Variants in ARHGEF33 observed in about 807,000 individuals in gnomAD.
ARHGEF33 encodes the protein DH and coiled-coil domain-containing protein ENSP00000381780.
A neutral mutation model predicts 101.9 loss-of-function variants in ARHGEF33; 72 were observed. The observed-to-expected ratio is 0.71, with a 90% CI of 0.58 to 0.86. The LOEUF is 0.86. Among genes scored for constraint, ARHGEF33 ranks in the 40% least tolerant of loss-of-function variants. The probability of loss-of-function intolerance (pLI) is 0.00; values close to 1 mark genes in which losing one functional copy is unlikely to be tolerated. For synonymous variants in ARHGEF33, 499 were observed against 442.5 expected (o/e 1.13, Z -1.60); for missense variants, 1,169 against 1,111.3 (o/e 1.05, Z -0.74).
intron 9 of ARHGEF33, among the ~76,000 whole-genome samples, chr2:38,941,540 A>G (rs537373031): frequency 6.7e-6 from 1 of 149,388 alleles, no homozygotes; most frequent in South Asian, 2.1e-4. Context: ...ATGTTACCTG[A>G]TTTTTCTTTT....
intron 17 of ARHGEF33, chr2:38,973,362 A>C (rs1362012211): frequency 6.5e-6 from 1 of 154,076 alleles, no homozygotes. Flanking sequence ...CATCCATTTT[A>C]ATTTAAGATC....
intron 8 of ARHGEF33, 24 bp from the exon 9 acceptor site, chr2:38,937,311 C>CGGGGGGGG: frequency 1.7e-6 from 1 of 583,934 alleles, no homozygotes; most frequent in Non-Finnish European, 3.0e-6. Context: ...CTTTGTTTCC[C>CGGGGGGGG]CGCCCCTCCC....
chr2:38,962,737 G>A (rs554500380), intron 16 of ARHGEF33, among the ~76,000 whole-genome samples: 2 of 151,060 alleles, frequency 1.3e-5, no homozygotes, highest in Non-Finnish European at 3.0e-5. Flanking sequence ...GGTTGTGGCC[G>A]GGTGCGGTGG....
intron 7 of ARHGEF33, among the ~76,000 whole-genome samples, chr2:38,932,460 T>G (rs1172276086): frequency 6.6e-6 from 1 of 151,958 alleles, no homozygotes; most frequent in African/African-American, 2.4e-5. Context: ...TTTACCTATT[T>G]GCGTAATTCA....
chr2:38,944,200 A>G (rs1667381935), intron 10 of ARHGEF33, among the ~76,000 whole-genome samples, 170 bp downstream of exon 10: 1 of 152,204 alleles, frequency 6.6e-6, no homozygotes, highest in African/African-American at 2.4e-5. Flanking sequence ...TGCTGCTATG[A>G]CAGAATATCG....
At chr2:38,921,250 T>C in intron 3 of ARHGEF33, 124 bp from the exon 4 acceptor site, 1 of 653,402 alleles carries the variant, frequency 1.5e-6, no homozygotes, top group Non-Finnish European at 2.8e-6. Context: ...CCTGGAATCA[T>C]TGGTTTCTTG....
intron 7 of ARHGEF33, among the ~76,000 whole-genome samples, chr2:38,932,002 G>T (rs1166664382): frequency 6.6e-6 from 1 of 152,142 alleles, no homozygotes; most frequent in African/African-American, 2.4e-5. Flanking sequence ...AAGATGAATG[G>T]AACAATTAGG....
At chr2:38,893,799 A>G (rs1377112176) in intron 1 of ARHGEF33, among the ~76,000 whole-genome samples, 1 of 152,150 alleles carries the variant, frequency 6.6e-6, no homozygotes, top group Non-Finnish European at 1.5e-5. Context: ...ATTTTAGCCA[A>G]ACTTTCTTTC....
In ARHGEF33 at chr2:38,935,651, T is replaced by C. The variant is rs554115134; in HGVS notation, c.506-124T>C. Reference sequence around the variant, plus strand: ...CACACTATACTGTAATTTCTTTTTTTTACTGCTCTGCCTCCCCCATGAAAC... The same window carrying C: ...CACACTATACTGTAATTTCTTTTTTCTACTGCTCTGCCTCCCCCATGAAAC... On this transcript the variant is annotated intron_variant, in intron 7 of 17. Transcript: ENST00000409978. The C allele has an allele frequency of 2.9e-5, 20 of 694,706 alleles. No individual in the cohort carries two copies. The Admixed American group carries it at 3.8e-4, about 13-fold the overall frequency. The allele number at this position is 694,706 out of a possible 1,614,324, so 43.0% of individuals were successfully genotyped here.
At chr2:38,969,570 ACAT>A (rs927514626) in intron 17 of ARHGEF33, 19 of 169,108 alleles carry the variant, frequency 1.1e-4, no homozygotes, top group Non-Finnish European at 1.2e-4. Context: ...AGTCAAGTTG[ACAT>A]CATTAAAAAA....
intron 2 of ARHGEF33, among the ~76,000 whole-genome samples, chr2:38,900,728 G>A (rs1312538020): frequency 2.6e-5 from 4 of 152,148 alleles, no homozygotes; most frequent in Non-Finnish European, 4.4e-5. Flanking sequence ...GGTGGAGTTA[G>A]TGAGATGGGG....
At chr2:38,940,687 C>A (rs10166557) in intron 9 of ARHGEF33, among the ~76,000 whole-genome samples, 7 of 152,124 alleles carry the variant, frequency 4.6e-5, no homozygotes, top group Non-Finnish European at 1.0e-4. Context: ...TCCTTCTTGC[C>A]GGCTTGCTGT....
At chr2:38,917,472 T>C (rs1666660306) in intron 2 of ARHGEF33, among the ~76,000 whole-genome samples, 1 of 152,180 alleles carries the variant, frequency 6.6e-6, no homozygotes, top group Non-Finnish European at 1.5e-5. Flanking sequence ...CAATGAGTTT[T>C]GGCAAATTTG....
chr2:38,911,265 G>C (rs1666503537), intron 2 of ARHGEF33, among the ~76,000 whole-genome samples: 1 of 152,088 alleles, frequency 6.6e-6, no homozygotes, highest in Non-Finnish European at 1.5e-5. Context: ...AATTATTTTA[G>C]TTTCAGGGGA....
At chr2:38,911,087 A>G (rs577939980) in intron 2 of ARHGEF33, among the ~76,000 whole-genome samples, 1 of 152,328 alleles carries the variant, frequency 6.6e-6, no homozygotes, top group South Asian at 2.1e-4. Context: ...TTTGAAAACT[A>G]CGAAGCATGA....
chr2:38,910,845 G>C (rs1666493971), intron 2 of ARHGEF33, among the ~76,000 whole-genome samples: 1 of 152,154 alleles, frequency 6.6e-6, no homozygotes, highest in South Asian at 2.1e-4. Context: ...GTACCTTAAA[G>C]TGGTACCTTA....
rs922264263 is a variant in ARHGEF33 at position 38,958,023 on chromosome 2, C to T, written c.1371-11C>T. Reference sequence around the variant, plus strand: ...TGTACAACCTGAGAACTGTTATTTCCATTCTGTTAGGTCATCCATGGCGAA... The same window carrying T: ...TGTACAACCTGAGAACTGTTATTTCTATTCTGTTAGGTCATCCATGGCGAA... On this transcript the variant is annotated splice_polypyrimidine_tract_variant and intron_variant, in intron 14 of 17. Transcript: ENST00000409978. 1 of 1,552,132 alleles carries T rather than the reference C, an allele frequency of 6.4e-7. No homozygotes were observed. The highest frequency in any genetic ancestry group is 1.2e-5 in the South Asian group (1 of 84,046).
intron 2 of ARHGEF33, among the ~76,000 whole-genome samples, chr2:38,919,038 C>A: frequency 6.6e-6 from 1 of 151,988 alleles, no homozygotes; most frequent in Non-Finnish European, 1.5e-5. Flanking sequence ...AGAACAAGAC[C>A]CTGTTTGAAA....
chr2:38,904,921 A>G (rs1170754694), intron 2 of ARHGEF33, among the ~76,000 whole-genome samples: 1 of 152,148 alleles, frequency 6.6e-6, no homozygotes, highest in Non-Finnish European at 1.5e-5. Context: ...CAAAGGAGAA[A>G]ATGAAAGACA....
Sources: allele counts gnomAD v4.1 joint callset (sites outside exome capture counted in the v4.1 genomes callset), GRCh38; gene constraint gnomAD v4.1.1; transcripts MANE v1.5; gene names NCBI Gene and HGNC (gene_info 2026-07-23, HGNC 2026-07-21).